Variants in PCDHGA2 observed in about 807,000 individuals in gnomAD.
PCDHGA2 encodes the protein protocadherin gamma subfamily A, 2.
PCDHGA2 carries 40 observed loss-of-function variants against 59.2 expected under a neutral mutation model. That is an observed-to-expected ratio of 0.68 (90% CI 0.52 to 0.88). PCDHGA2 has a LOEUF of 0.88. Ranked by LOEUF, PCDHGA2 falls within the 40% of genes least tolerant of loss-of-function variation. The probability of loss-of-function intolerance (pLI) is 0.00; values close to 1 mark genes in which losing one functional copy is unlikely to be tolerated. For missense variants in PCDHGA2, 1,226 were observed against 1,204.0 expected, an observed-to-expected ratio of 1.02 and a Z score of -0.27; for synonymous variants, 560 against 526.0, an observed-to-expected ratio of 1.06 and a Z score of -0.89.
In PCDHGA2 at chr5:141,409,436, C is replaced by T. The variant is rs368696166; in HGVS notation, c.2424+68041C>T. Reference sequence around the variant, plus strand: ...ACTGGTGACAGATGGAGCCCTGGACCGAGAGCAGACACCAGAATACAATGT... The same window carrying T: ...ACTGGTGACAGATGGAGCCCTGGACTGAGAGCAGACACCAGAATACAATGT... On this transcript the variant is annotated intron_variant, in intron 1 of 3. Transcript: ENST00000394576. 6 of 1,613,864 alleles carry T rather than the reference C, an allele frequency of 3.7e-6. 1 individual carries two copies. The highest frequency in any genetic ancestry group is 5.1e-6 in the Non-Finnish European group (6 of 1,179,900).
rs561569572 is a variant in PCDHGA2, at chr5:141,512,054, C to A, written c.*881C>A. 6.5e-6 allele frequency: 1 copy of A among 152,828 alleles called. No individual in the cohort carries two copies. The highest frequency in any genetic ancestry group is 1.9e-4 in the East Asian group (1 of 5,184). The allele number at this position is 152,828 out of a possible 1,614,324, so 9.5% of individuals were successfully genotyped here. On this transcript the variant is annotated 3_prime_UTR_variant, in exon 4 of 4. Coordinates refer to ENST00000394576, the MANE Select transcript of PCDHGA2 (RefSeq NM_018915.4). Reference sequence around the variant, plus strand: ...GGAGGCTCTGTATGTCCTCAGGGGACTGACAACATCCTCCAGATTCCAGCC... The same window carrying A: ...GGAGGCTCTGTATGTCCTCAGGGGAATGACAACATCCTCCAGATTCCAGCC...
At chr5:141,404,443 A>G in intron 1 of PCDHGA2, 1 of 1,613,468 alleles carries the variant, frequency 6.2e-7, no homozygotes, top group East Asian at 2.2e-5. Flanking sequence ...ATACCATCCA[A>G]GGGTCTCCTC....
In PCDHGA2 at chr5:141,419,638, C is replaced by T. The variant is rs191182165; in HGVS notation, c.2425-75169C>T. On this transcript the variant is annotated intron_variant, in intron 1 of 3. Coordinates refer to ENST00000394576, the MANE Select transcript of PCDHGA2 (RefSeq NM_018915.4). Reference sequence around the variant, plus strand: ...GCTACCTGGTGACCAAGGTGGTGGCCGTGGACGCGGACTCGGGGCACAATG... The same window carrying T: ...GCTACCTGGTGACCAAGGTGGTGGCTGTGGACGCGGACTCGGGGCACAATG... The T allele has an allele frequency of 4.9e-3, 7,979 of 1,612,456 alleles. 44 individuals are homozygous for T. Among genetic ancestry groups the T allele is most frequent in the Admixed American group, 9.5e-3 (568 of 60,000 alleles).
At chr5:141,507,810 G>C (rs550331241) in intron 3 of PCDHGA2, among the ~76,000 whole-genome samples, 5 of 152,172 alleles carry the variant, frequency 3.3e-5, no homozygotes, top group Non-Finnish European at 2.9e-5. Context: ...CCTGGGGAAC[G>C]GACCCTGGGG....
intron 1 of PCDHGA2, chr5:141,428,225 A>G (rs775012950): frequency 4.3e-6 from 5 of 1,156,574 alleles, no homozygotes; most frequent in Non-Finnish European, 6.3e-6. Flanking sequence ...GTCTTCGCAG[A>G]CAGCCTGCAG....
intron 1 of PCDHGA2, chr5:141,352,148 G>A (rs777837262): frequency 1.2e-6 from 2 of 1,612,336 alleles, no homozygotes; most frequent in African/African-American, 2.7e-5. Flanking sequence ...TGCCTTGGGC[G>A]ACAGGGACGC....
Position 141,351,853 on chromosome 5 carries a change from G to C in PCDHGA2, c.2424+10458G>C, listed in dbSNP as rs563575027. ...CCTTCGAGCTCACACTGCAGGCCAG[G>C]GACCAGGGCTCCCCCGCGCTCAGCG... On this transcript the variant is annotated intron_variant, in intron 1 of 3. Transcript: ENST00000394576. 682 of 1,613,028 alleles carry C rather than the reference G, an allele frequency of 4.2e-4. 6 individuals are homozygous for C. The Middle Eastern group carries it at 7.5e-3, about 18-fold the overall frequency.
chr5:141,395,197 T>C, intron 1 of PCDHGA2: 1 of 1,614,012 alleles, frequency 6.2e-7, no homozygotes, highest in Non-Finnish European at 8.5e-7. Context: ...TTAACATCCG[T>C]AGATTTTCAT....
intron 1 of PCDHGA2, among the ~76,000 whole-genome samples, chr5:141,465,347 G>A (rs2099101721): frequency 6.6e-6 from 1 of 151,938 alleles, no homozygotes; most frequent in South Asian, 2.1e-4. Context: ...GGTTACTGAA[G>A]AAAAAATGGG....
chr5:141,508,971 T>C (rs776443205), intron 3 of PCDHGA2, among the ~76,000 whole-genome samples: 14 of 152,004 alleles, frequency 9.2e-5, no homozygotes, highest in Non-Finnish European at 2.1e-4. Context: ...ATGAAAGGGC[T>C]GGGGGTGGGG....
At chr5:141,498,947 AAAAG>A (rs1475471777) in intron 2 of PCDHGA2, among the ~76,000 whole-genome samples, 1 of 145,446 alleles carries the variant, frequency 6.9e-6, no homozygotes, top group African/African-American at 2.6e-5. Context: ...GAAAGAAAGA[AAAAG>A]AGAGAGAGGG....
Position 141,490,924 on chromosome 5 carries a change from C to G in PCDHGA2, c.2425-3883C>G, listed in dbSNP as rs1469202824. The G allele has an allele frequency of 1.9e-6, 3 of 1,613,562 alleles. No individual in the cohort carries two copies. The highest frequency in any genetic ancestry group is 2.5e-6 in the Non-Finnish European group (3 of 1,179,702). ...TGTCCTAGACGAGAATGATAATGCC[C>G]CAGCTGTGCTGCACCCACGGCCAGA... On this transcript the variant is annotated intron_variant, in intron 1 of 3. Transcript: ENST00000394576. The surrounding 1 kb of genome is among the most constrained non-coding windows in gnomAD (Gnocchi z 5.4).
intron 1 of PCDHGA2, chr5:141,384,826 G>T: frequency 6.2e-7 from 1 of 1,613,472 alleles, no homozygotes; most frequent in Non-Finnish European, 8.5e-7. Context: ...GCAGAGCCTC[G>T]TGGTGGCCGT....
intron 1 of PCDHGA2, chr5:141,441,629 G>T: frequency 4.5e-6 from 1 of 224,156 alleles, no homozygotes; most frequent in Non-Finnish European, 9.0e-6. Flanking sequence ...GTGACCTGGA[G>T]CCACAGGCGC....
intron 1 of PCDHGA2, chr5:141,360,591 T>A: frequency 6.2e-7 from 1 of 1,613,982 alleles, no homozygotes; most frequent in African/African-American, 1.3e-5. Flanking sequence ...GTACAACATT[T>A]CCACTTGACC....
chr5:141,364,500 A>G, intron 1 of PCDHGA2: 7 of 1,614,008 alleles, frequency 4.3e-6, no homozygotes, highest in Non-Finnish European at 5.9e-6. Flanking sequence ...CTGGAGCCCC[A>G]GGAGCTGGCG....
intron 1 of PCDHGA2, chr5:141,389,855 G>T: frequency 6.2e-7 from 1 of 1,614,060 alleles, no homozygotes; most frequent in Non-Finnish European, 8.5e-7. Context: ...CCACTGCCAC[G>T]TTGCACCTGG....
chr5:141,345,494 C>T (rs1757582349), intron 1 of PCDHGA2: 1 of 1,614,174 alleles, frequency 6.2e-7, no homozygotes, highest in Non-Finnish European at 8.5e-7. Context: ...ACGCCCGCAT[C>T]ACTTATGCAT....
chr5:141,359,914 T>C, intron 1 of PCDHGA2: 1 of 433,842 alleles, frequency 2.3e-6, no homozygotes. Context: ...TTAGTGCAGT[T>C]TCCTGAGAAA....
Sources: allele counts gnomAD v4.1 joint callset (sites outside exome capture counted in the v4.1 genomes callset), GRCh38; gene constraint gnomAD v4.1.1; non-coding constraint Gnocchi (gnomAD v3.1); transcripts MANE v1.5; gene names NCBI Gene and HGNC (gene_info 2026-07-23, HGNC 2026-07-21).